Variants in FOXP1 observed in about 807,000 individuals in gnomAD.
FOXP1 encodes forkhead box P1.
Under a neutral mutation model 98.2 loss-of-function variants are expected in FOXP1, and 15 were observed. The observed-to-expected ratio is 0.15, with a 90% CI of 0.10 to 0.24. The LOEUF (loss-of-function observed/expected upper bound fraction) is 0.24, where lower values mean the gene tolerates loss of function less well. Among genes scored for constraint, FOXP1 ranks in the 10% least tolerant of loss-of-function variants. The pLI is 1.00. For missense variants in FOXP1, 633 were observed against 848.5 expected (o/e 0.75, Z 3.15); for synonymous variants, 371 against 314.5 (o/e 1.18, Z -1.90).
chr3:71,287,697 T>C (rs2072302145), intron 5 of FOXP1, among the ~76,000 whole-genome samples: 1 of 151,428 alleles, frequency 6.6e-6, no homozygotes, highest in African/African-American at 2.4e-5. Flanking sequence ...GGAGAATCAC[T>C]TGAACCTGGG....
At chr3:71,227,511 A>G (rs796143634) in intron 5 of FOXP1, among the ~76,000 whole-genome samples, 25 of 152,310 alleles carry the variant, frequency 1.6e-4, no homozygotes, top group African/African-American at 5.5e-4. Flanking sequence ...AGTCATGTGA[A>G]AGGAAGTCCT....
chr3:71,033,807 A>G (rs759328009), intron 11 of FOXP1, among the ~76,000 whole-genome samples: 1 of 152,100 alleles, frequency 6.6e-6, no homozygotes, highest in Non-Finnish European at 1.5e-5. Flanking sequence ...GACACATCAC[A>G]GTTCTTCAAA....
At chr3:71,324,198 G>GAC (rs1170580828) in intron 4 of FOXP1, among the ~76,000 whole-genome samples, 1 of 152,010 alleles carries the variant, frequency 6.6e-6, no homozygotes, top group Non-Finnish European at 1.5e-5. Flanking sequence ...AGCCATTAAA[G>GAC]ACACACACAT....
intron 4 of FOXP1, among the ~76,000 whole-genome samples, chr3:71,311,147 C>T (rs939482833): frequency 1.3e-5 from 2 of 152,114 alleles, no homozygotes; most frequent in African/African-American, 2.4e-5. Context: ...TGCAGTGGCA[C>T]GATCATGACT....
intron 3 of FOXP1, among the ~76,000 whole-genome samples, chr3:71,413,203 C>CA (rs2082907323): frequency 1.2e-5 from 1 of 83,580 alleles, no homozygotes; most frequent in Non-Finnish European, 2.2e-5. Flanking sequence ...CACACCACCC[C>CA]CCCAAATAGA....
chr3:71,310,394 A>G (rs2107617234), intron 4 of FOXP1, among the ~76,000 whole-genome samples: 1 of 152,398 alleles, frequency 6.6e-6, no homozygotes, highest in South Asian at 2.1e-4. Context: ...ATAAAGCATC[A>G]TAAATGATTC....
intron 2 of FOXP1, among the ~76,000 whole-genome samples, chr3:71,506,427 C>T (rs1049109848): frequency 2.6e-5 from 4 of 152,018 alleles, no homozygotes; most frequent in Admixed American, 6.6e-5. Flanking sequence ...TATTCGAATC[C>T]GCACACGCTC....
Position 71,157,691 on chromosome 3 carries a change from C to T in FOXP1, c.180+40511G>A, listed in dbSNP as rs992664714. On this transcript the variant is annotated intron_variant, in intron 6 of 20. Coordinates refer to ENST00000649528, the MANE Select transcript of FOXP1 (RefSeq NM_001349338.3). The stretch of plus-strand genomic sequence containing the variant: ...ACCAGGTTGTTCCTTCACTTCTTTT[C>T]TGGCCTTTCATGAAGAAATCTTTGC... Among the ~76,000 whole-genome samples, 3 of 152,182 alleles carry T rather than the reference C, an allele frequency of 2.0e-5. No individual in the cohort carries two copies. In the East Asian group the frequency reaches 5.8e-4, roughly 29 times the overall value.
intron 6 of FOXP1, 78 bp downstream of exon 6, chr3:71,198,124 G>A: frequency 6.2e-7 from 1 of 1,611,994 alleles, no homozygotes; most frequent in African/African-American, 1.3e-5. Flanking sequence ...CTGATCGCGA[G>A]ATCGCGATTA....
intron 10 of FOXP1, among the ~76,000 whole-genome samples, chr3:71,042,402 T>C (rs2048472313): frequency 6.6e-6 from 1 of 152,166 alleles, no homozygotes; most frequent in Admixed American, 6.6e-5. Flanking sequence ...CCTCTTCGTC[T>C]TTATCCTGCT....
chr3:71,086,711 A>G (rs1443937746), intron 7 of FOXP1, among the ~76,000 whole-genome samples: 1 of 152,204 alleles, frequency 6.6e-6, no homozygotes, highest in Non-Finnish European at 1.5e-5. Context: ...GACATTTAAC[A>G]TGACCCTGAG....
chr3:71,168,539 TCAGA>T, intron 6 of FOXP1, among the ~76,000 whole-genome samples: 1 of 152,168 alleles, frequency 6.6e-6, no homozygotes, highest in East Asian at 1.9e-4. Context: ...TCCATACCAC[TCAGA>T]CAAAATCAAA....
At chr3:71,159,912 A>G (rs1048881714) in intron 6 of FOXP1, among the ~76,000 whole-genome samples, 9 of 152,208 alleles carry the variant, frequency 5.9e-5, no homozygotes, top group Admixed American at 5.2e-4. Flanking sequence ...ATTAGCCCAA[A>G]TGTAAGACAG....
At chr3:71,356,088 A>G (rs1277732208) in intron 4 of FOXP1, among the ~76,000 whole-genome samples, 2 of 152,028 alleles carry the variant, frequency 1.3e-5, no homozygotes, top group South Asian at 4.2e-4. Context: ...GTGGCAGAAG[A>G]TCGACATCAT....
chr3:71,212,476 G>A (rs1225262530), intron 5 of FOXP1, among the ~76,000 whole-genome samples: 1 of 152,026 alleles, frequency 6.6e-6, no homozygotes, highest in East Asian at 1.9e-4. Flanking sequence ...ACCAAATGAG[G>A]CTCCTAGTTC....
chr3:71,157,961 G>A (rs1301880800), intron 6 of FOXP1, among the ~76,000 whole-genome samples: 1 of 151,794 alleles, frequency 6.6e-6, no homozygotes, highest in East Asian at 1.9e-4. Context: ...GGTGGTGTGT[G>A]CCTGTAGTCC....
At chr3:71,226,603 C>A (rs1221005871) in intron 5 of FOXP1, among the ~76,000 whole-genome samples, 3 of 152,118 alleles carry the variant, frequency 2.0e-5, no homozygotes, top group South Asian at 4.2e-4. Flanking sequence ...CTCCCTACCC[C>A]CTTCTGCATC....
At position 71,414,563 on chromosome 3, in the gene FOXP1, A is replaced by T. The variant is rs1357698874; in HGVS notation, c.-167-55319T>A. 2.0e-5 allele frequency among the ~76,000 whole-genome samples: 3 copies of T among 152,246 alleles called. No individual in the cohort carries two copies. The South Asian group carries it at 6.2e-4, about 31-fold the overall frequency. On this transcript the variant is annotated intron_variant, in intron 3 of 20. Transcript: ENST00000649528. ...TTAGGTCTCACTTCCAATTATTAAAAGAAGGGAACAAATAAAGGGAATTGC... is the reference window on the plus strand; with the variant it reads ...TTAGGTCTCACTTCCAATTATTAAATGAAGGGAACAAATAAAGGGAATTGC...
chr3:71,396,917 TGTATATATATATATATACAC>T (rs2081419950), intron 3 of FOXP1, among the ~76,000 whole-genome samples: 2 of 95,242 alleles, frequency 2.1e-5, no homozygotes, highest in African/African-American at 9.0e-5. Context: ...TATATATGTG[TGTATATATATATATATACAC>T]ATATATATAT....
Sources: allele counts gnomAD v4.1 joint callset (sites outside exome capture counted in the v4.1 genomes callset), GRCh38; gene constraint gnomAD v4.1.1; transcripts MANE v1.5; gene names NCBI Gene and HGNC (gene_info 2026-07-23, HGNC 2026-07-21).